The following BCAS3 variants were observed in gnomAD, a reference collection of about 807,000 sequenced individuals.
BCAS3 encodes the protein BCAS3 microtubule associated cell migration factor, also known as BCAS4/BCAS3 fusion.
Under a neutral mutation model 116.1 loss-of-function variants are expected in BCAS3, and 53 were observed. The observed-to-expected ratio is 0.46, with a 90% CI of 0.37 to 0.57. The LOEUF is 0.57. BCAS3 is among the 20% of genes least tolerant of loss of function. The pLI is 0.00. For synonymous variants in BCAS3, 391 were observed against 408.2 expected (o/e 0.96, Z 0.51); for missense variants, 917 against 1,165.4 (o/e 0.79, Z 3.10).
chr17:60,790,225 A>G (rs946858631), intron 6 of BCAS3, among the ~76,000 whole-genome samples: 12 of 152,344 alleles, frequency 7.9e-5, no homozygotes, highest in Admixed American at 5.9e-4. Flanking sequence ...AGTGAAAACT[A>G]CTGGAGTTCT....
intron 22 of BCAS3, among the ~76,000 whole-genome samples, chr17:61,150,082 AAG>A (rs2077462238): frequency 6.6e-6 from 1 of 152,170 alleles, no homozygotes; most frequent in Non-Finnish European, 1.5e-5. Flanking sequence ...GAAACAGGGG[AAG>A]AGAGAGGCCT....
rs1042065922 is a variant in BCAS3 at position 61,041,819 on chromosome 17, C to G, written c.2029+927C>G. On this transcript the variant is annotated intron_variant, in intron 19 of 23. Transcript: ENST00000407086. The surrounding 1 kb of genome is among the most constrained non-coding windows in gnomAD (Gnocchi z 4.7). ...CTGTAATCAATAGTTGGCAGTCTTG[C>G]TCTCTCATATTATTGTTGAACTCTC... 1.3e-5 allele frequency among the ~76,000 whole-genome samples: 2 copies of G among 151,964 alleles called. No homozygotes were observed. Among genetic ancestry groups the G allele is most frequent in the Admixed American group, 6.6e-5 (1 of 15,252 alleles).
At chr17:61,163,402 C>T (rs929557001) in intron 22 of BCAS3, among the ~76,000 whole-genome samples, 3 of 146,152 alleles carry the variant, frequency 2.1e-5, no homozygotes, top group Non-Finnish European at 3.0e-5. Flanking sequence ...CCAGCCTGGG[C>T]GACAGAGCGA....
rs1029592072 is a variant in BCAS3, at chr17:61,065,795, A to T, written c.2030-9125A>T. Among the ~76,000 whole-genome samples the T allele has an allele frequency of 6.6e-6, 1 of 152,218 alleles. No homozygotes were observed. The highest frequency in any genetic ancestry group is 2.4e-5 in the African/African-American group (1 of 41,460). ...TAAAACTCAGCTGCCAGTAGGACCC[A>T]GTAAACTCACTTGTCCAGATAAGAG... On this transcript the variant is annotated intron_variant, in intron 19 of 23. Transcript: ENST00000407086. The surrounding 1 kb of genome is among the most constrained non-coding windows in gnomAD (Gnocchi z 4.8).
intron 22 of BCAS3, among the ~76,000 whole-genome samples, chr17:61,117,287 T>G (rs950993463): frequency 3.3e-5 from 5 of 152,286 alleles, no homozygotes; most frequent in Non-Finnish European, 7.4e-5. Context: ...TATTGTATTT[T>G]TCAGTTCTAA....
intron 22 of BCAS3, among the ~76,000 whole-genome samples, chr17:61,334,540 C>G (rs369395382): frequency 2.0e-5 from 3 of 151,732 alleles, no homozygotes; most frequent in Non-Finnish European, 4.4e-5. Flanking sequence ...TGGCCCTGCC[C>G]GTATTCCCAG....
chr17:60,730,453 AT>A (rs769907790), intron 5 of BCAS3, among the ~76,000 whole-genome samples: 14 of 152,150 alleles, frequency 9.2e-5, no homozygotes, highest in Non-Finnish European at 1.5e-4. Flanking sequence ...ACAAATATGC[AT>A]TTTAGGCGAT....
At position 61,144,544 on chromosome 17, in the gene BCAS3, C is replaced by G. The variant is rs1568445473; in HGVS notation, c.2425+59980C>G. Among the ~76,000 whole-genome samples the G allele has an allele frequency of 6.6e-6, 1 of 152,198 alleles. No homozygotes were observed. Among genetic ancestry groups the G allele is most frequent in the Non-Finnish European group, 1.5e-5 (1 of 68,046 alleles). On this transcript the variant is annotated intron_variant, in intron 22 of 23. Coordinates refer to ENST00000407086, the MANE Select transcript of BCAS3 (RefSeq NM_017679.5). The surrounding 1 kb of genome is among the most constrained non-coding windows in gnomAD (Gnocchi z 5.0). ...GCCTAAAATGTTGACTACTTTATCT[C>G]TGTTACCTTTCTGAAATGTTTGGCC... is the stretch of plus-strand genomic sequence containing the variant.
intron 7 of BCAS3, among the ~76,000 whole-genome samples, chr17:60,846,475 A>G (rs1177253197): frequency 6.6e-6 from 1 of 152,014 alleles, no homozygotes; most frequent in Non-Finnish European, 1.5e-5. Flanking sequence ...GGCGTTTGTG[A>G]GTTGTTCTAT....
At position 61,216,129 on chromosome 17, in the gene BCAS3, T is replaced by C. The variant is rs139206649; in HGVS notation, c.2425+131565T>C. On this transcript the variant is annotated intron_variant, in intron 22 of 23. Coordinates refer to ENST00000407086, the MANE Select transcript of BCAS3 (RefSeq NM_017679.5). ...CACTTCCTTTGGAGAGATAGCACTG[T>C]TTCAGATTAGGGGGCACAATGTGAA... Among the ~76,000 whole-genome samples, 276 of 152,320 alleles carry C rather than the reference T, an allele frequency of 1.8e-3. 2 individuals are homozygous for C. The highest frequency in any genetic ancestry group is 0.014 in the Middle Eastern group (4 of 294).
intron 22 of BCAS3, among the ~76,000 whole-genome samples, chr17:61,334,678 A>AC (rs1223742420): frequency 2.6e-5 from 4 of 151,364 alleles, no homozygotes; most frequent in African/African-American, 4.9e-5. Context: ...AAAAAAAAAA[A>AC]AAAAAAAAAA....
chr17:61,069,951 A>G, intron 19 of BCAS3: 1 of 1,566,754 alleles, frequency 6.4e-7, no homozygotes, highest in Non-Finnish European at 8.7e-7. Context: ...CCAAGAAGGC[A>G]GTGTTGAAAG....
In BCAS3 at chr17:60,988,338, CTTTTTTTTT is replaced by C. The variant is rs71148317; in HGVS notation, c.1222-1619_1222-1611del. 2.5e-3 allele frequency among the ~76,000 whole-genome samples: 164 copies of C among 66,788 alleles called. 2 individuals carry two copies. Among genetic ancestry groups the C allele is most frequent in the African/African-American group, 7.0e-3 (137 of 19,542 alleles). 43.8% of individuals were successfully genotyped at this position (66,788 alleles called of 152,430 possible). ...TTTTCTTTCCTTTTCTTTTCTTTTT[CTTTTTTTTT>C]TTTTTTTTTTTTTATGTATGTGTTT... On this transcript the variant is annotated intron_variant, in intron 14 of 23. Transcript: ENST00000407086.
intron 8 of BCAS3, among the ~76,000 whole-genome samples, chr17:60,869,426 C>T (rs1443331658): frequency 6.6e-6 from 1 of 152,078 alleles, no homozygotes; most frequent in East Asian, 1.9e-4. Flanking sequence ...AGCAAAACAC[C>T]TGAAATATAG....
chr17:60,740,218 T>C (rs1311119413), intron 5 of BCAS3, among the ~76,000 whole-genome samples: 1 of 152,020 alleles, frequency 6.6e-6, no homozygotes, highest in African/African-American at 2.4e-5. Flanking sequence ...ATATGGTCCA[T>C]GTGTGGTGGC....
At chr17:60,695,263 G>C (rs891099189) in intron 4 of BCAS3, among the ~76,000 whole-genome samples, 1 of 152,010 alleles carries the variant, frequency 6.6e-6, no homozygotes, top group Non-Finnish European at 1.5e-5. Flanking sequence ...TGGGACTACA[G>C]GCGTGCGCCA....
At position 60,960,967 on chromosome 17, in the gene BCAS3, A is replaced by G. The variant is rs1401098976; in HGVS notation, c.1221+13615A>G. On this transcript the variant is annotated intron_variant, in intron 14 of 23. Coordinates refer to ENST00000407086, the MANE Select transcript of BCAS3 (RefSeq NM_017679.5). This position sits in a 1 kb window ranked among gnomAD's most constrained non-coding sequence, Gnocchi z 4.1. ...CTCTATTCCTGGCTTCTGCTGATTG[A>G]GTGGATCCATGAAACACATGCCTGA... is the stretch of plus-strand genomic sequence containing the variant. 1.3e-5 allele frequency among the ~76,000 whole-genome samples: 2 copies of G among 151,848 alleles called. No homozygotes were observed. Among genetic ancestry groups the G allele is most frequent in the Non-Finnish European group, 2.9e-5 (2 of 67,984 alleles).
At chr17:60,955,834 T>A (rs1489298042) in intron 14 of BCAS3, among the ~76,000 whole-genome samples, 1 of 152,238 alleles carries the variant, frequency 6.6e-6, no homozygotes, top group Non-Finnish European at 1.5e-5. Flanking sequence ...TGTTTCATTA[T>A]GATTAGATTT....
intron 15 of BCAS3, among the ~76,000 whole-genome samples, chr17:61,002,341 G>C (rs549308786): frequency 1.3e-5 from 2 of 151,828 alleles, no homozygotes; most frequent in Non-Finnish European, 2.9e-5. Flanking sequence ...TTTCTTCTTT[G>C]CTTTTTACTG....
Sources: allele counts gnomAD v4.1 joint callset (sites outside exome capture counted in the v4.1 genomes callset), GRCh38; gene constraint gnomAD v4.1.1; non-coding constraint Gnocchi (gnomAD v3.1); transcripts MANE v1.5; gene names NCBI Gene and HGNC (gene_info 2026-07-23, HGNC 2026-07-21).